Variants in SKI observed in about 807,000 individuals in gnomAD.
SKI encodes ski oncogene.
Under a neutral mutation model 59.3 loss-of-function variants are expected in SKI, and 23 were observed. The ratio of observed to expected loss-of-function variants is 0.39; its 90% confidence interval spans 0.28 to 0.55. The LOEUF (loss-of-function observed/expected upper bound fraction) is 0.55. SKI is among the 20% of genes least tolerant of loss of function. The pLI is 0.67. For missense variants in SKI, 1,017 were observed against 1,038.9 expected (o/e 0.98, Z 0.29); for synonymous variants, 673 against 488.6 (o/e 1.38, Z -4.98).
At chr1:2,250,988 C>T (rs781464286) in intron 1 of SKI, among the ~76,000 whole-genome samples, 20 of 152,150 alleles carry the variant, frequency 1.3e-4, no homozygotes, top group East Asian at 1.9e-4. Flanking sequence ...ATGAGTAATC[C>T]GCCGAGGGGA....
At chr1:2,240,570 T>TC in intron 1 of SKI, 1 of 985,376 alleles carries the variant, frequency 1.0e-6, no homozygotes, top group Non-Finnish European at 1.2e-6. Flanking sequence ...CCATCGAGGC[T>TC]CCCAGAAGAA....
chr1:2,240,736 C>T (rs937195575), intron 1 of SKI: 47 of 985,284 alleles, frequency 4.8e-5, no homozygotes, highest in South Asian at 3.3e-4. Context: ...GGCGCAGACA[C>T]GGACTTCACC....
At chr1:2,243,990 G>A (rs915251855) in intron 1 of SKI, among the ~76,000 whole-genome samples, 1 of 148,706 alleles carries the variant, frequency 6.7e-6, no homozygotes, top group Non-Finnish European at 1.5e-5. Context: ...TTTTGACACA[G>A]AGTCTCGCTC....
intron 1 of SKI, among the ~76,000 whole-genome samples, chr1:2,288,879 G>A (rs769754763): frequency 6.6e-5 from 10 of 152,152 alleles, no homozygotes; most frequent in African/African-American, 1.2e-4. Context: ...CCCCCGCCAC[G>A]TGTGTGAGGC....
At chr1:2,285,897 G>T (rs949828231) in intron 1 of SKI, among the ~76,000 whole-genome samples, 1 of 118,176 alleles carries the variant, frequency 8.5e-6, no homozygotes, top group African/African-American at 3.1e-5. Flanking sequence ...TTTTTGAAAC[G>T]GAGTCTCGCA....
chr1:2,243,105 T>C (rs1638915765), intron 1 of SKI, among the ~76,000 whole-genome samples: 1 of 152,250 alleles, frequency 6.6e-6, no homozygotes, highest in African/African-American at 2.4e-5. Flanking sequence ...ATGAGTGCCT[T>C]GGGTGCCTGG....
rs997785194 is a variant in SKI at position 2,270,532 on chromosome 1, C to CG, written c.970-32443dup. ...GGGCTGCCATCTGGCGATTGTAAAACGGGCAGTGTGCAGTGTTGAGGGGGC... is the reference window on the plus strand; with the variant it reads ...GGGCTGCCATCTGGCGATTGTAAAACGGGGCAGTGTGCAGTGTTGAGGGGGC... On this transcript the variant is annotated intron_variant, in intron 1 of 6. Coordinates refer to ENST00000378536, the MANE Select transcript of SKI (RefSeq NM_003036.4). The surrounding 1 kb of genome is among the most constrained non-coding windows in gnomAD (Gnocchi z 4.1). Among the ~76,000 whole-genome samples the CG allele has an allele frequency of 3.3e-5, 5 of 152,178 alleles. No homozygotes were observed. Among genetic ancestry groups the CG allele is most frequent in the Non-Finnish European group, 7.4e-5 (5 of 68,018 alleles).
intron 1 of SKI, among the ~76,000 whole-genome samples, chr1:2,262,484 G>A (rs12565796): frequency 0.32 from 46,203 of 143,234 alleles, 8,062 homozygotes; most frequent in Admixed American, 0.43. Flanking sequence ...TCTGGAAGGC[G>A]TGGAGTCAGA....
At chr1:2,248,996 C>T (rs1639060476) in intron 1 of SKI, among the ~76,000 whole-genome samples, 1 of 152,238 alleles carries the variant, frequency 6.6e-6, no homozygotes, top group Non-Finnish European at 1.5e-5. Context: ...TGCCCACAGC[C>T]AGCCAGCCTG....
At chr1:2,257,357 C>T (rs1639294950) in intron 1 of SKI, among the ~76,000 whole-genome samples, 1 of 152,272 alleles carries the variant, frequency 6.6e-6, no homozygotes, top group Non-Finnish European at 1.5e-5. Flanking sequence ...GGGAGGGCAC[C>T]TGGGAGCCCG....
chr1:2,282,856 C>T (rs967403853), intron 1 of SKI, among the ~76,000 whole-genome samples: 5 of 152,218 alleles, frequency 3.3e-5, no homozygotes, highest in Admixed American at 6.5e-5. Flanking sequence ...TCTCAGCCTC[C>T]GACCTGTCAC....
At chr1:2,297,938 A>G (rs1046976823) in intron 1 of SKI, among the ~76,000 whole-genome samples, 3 of 152,242 alleles carry the variant, frequency 2.0e-5, no homozygotes, top group Non-Finnish European at 1.5e-5. Flanking sequence ...GAGGGGTTGC[A>G]GGGTGGGCTG....
chr1:2,299,050 G>A (rs1050519792), intron 1 of SKI, among the ~76,000 whole-genome samples: 13 of 152,356 alleles, frequency 8.5e-5, no homozygotes, highest in African/African-American at 2.6e-4. Flanking sequence ...TGGTTGTTTT[G>A]TGTGGATTTG....
rs566033860 is a variant in SKI at position 2,272,921 on chromosome 1, G to A, written c.970-30057G>A. Among the ~76,000 whole-genome samples, 10 of 152,334 alleles carry A rather than the reference G, an allele frequency of 6.6e-5. No homozygotes were observed. The South Asian group carries it at 1.7e-3, about 25-fold the overall frequency. ...TCTGTGCTTCTTCCAGGCGGAGGGG[G>A]AGGTGGTAGGCACCTTGGGTCTTAA... On this transcript the variant is annotated intron_variant, in intron 1 of 6. Transcript: ENST00000378536.
intron 1 of SKI, among the ~76,000 whole-genome samples, chr1:2,251,604 C>T (rs759433517): frequency 9.9e-5 from 15 of 152,268 alleles, no homozygotes; most frequent in African/African-American, 2.6e-4. Context: ...GTAGAGCCCT[C>T]GCCTGTGTAA....
In SKI at chr1:2,282,749, A is replaced by T. The variant is rs374123943; in HGVS notation, c.970-20229A>T. Among the ~76,000 whole-genome samples the T allele has an allele frequency of 2.0e-4, 30 of 152,086 alleles. No individual in the cohort carries two copies. In the East Asian group the frequency reaches 5.0e-3, roughly 26 times the overall value. On this transcript the variant is annotated intron_variant, in intron 1 of 6. Transcript: ENST00000378536. ...GGTCAGGAGGCTGGGCTCCCCGTCA[A>T]GGAGCGGTTTCCAGGGACACCGGCT...
At position 2,270,590 on chromosome 1, in the gene SKI, G is replaced by A. The variant is rs544743968; in HGVS notation, c.970-32388G>A. On this transcript the variant is annotated intron_variant, in intron 1 of 6. Transcript: ENST00000378536. This position sits in a 1 kb window ranked among gnomAD's most constrained non-coding sequence, Gnocchi z 4.1. ...AAACAAGCTGCCGGCTGAGGAGGCC[G>A]CACTCCCCGTGCCTCCCGGGCAGAC... Among the ~76,000 whole-genome samples, 1 of 152,290 alleles carries A rather than the reference G, an allele frequency of 6.6e-6. No individual in the cohort carries two copies. Among genetic ancestry groups the A allele is most frequent in the East Asian group, 1.9e-4 (1 of 5,190 alleles).
At position 2,295,641 on chromosome 1, in the gene SKI, C is replaced by T. The variant is rs944917924; in HGVS notation, c.970-7337C>T. Among the ~76,000 whole-genome samples, 133 of 151,176 alleles carry T rather than the reference C, an allele frequency of 8.8e-4. 1 individual carries two copies. Among genetic ancestry groups the T allele is most frequent in the Middle Eastern group, 3.4e-3 (1 of 294 alleles). ...CGTGACTGTGTGTGTGTCTGGGCCA[C>T]GCGTGGCTGTGTGTATGAGAGCCAT... On this transcript the variant is annotated intron_variant, in intron 1 of 6. Coordinates refer to ENST00000378536, the MANE Select transcript of SKI (RefSeq NM_003036.4).
At chr1:2,301,709 G>A (rs1480346563) in intron 1 of SKI, among the ~76,000 whole-genome samples, 1 of 152,242 alleles carries the variant, frequency 6.6e-6, no homozygotes, top group Non-Finnish European at 1.5e-5. Flanking sequence ...GGTGGGAAGA[G>A]CCCCCGGCCC....
Sources: allele counts gnomAD v4.1 joint callset (sites outside exome capture counted in the v4.1 genomes callset), GRCh38; gene constraint gnomAD v4.1.1; non-coding constraint Gnocchi (gnomAD v3.1); transcripts MANE v1.5; gene names NCBI Gene and HGNC (gene_info 2026-07-23, HGNC 2026-07-21).